The following GFOD1 variants were observed in gnomAD, a reference collection of about 807,000 sequenced individuals.
The protein encoded by GFOD1 is glucose-fructose oxidoreductase domain-containing protein 1.
Under a neutral mutation model 25.4 loss-of-function variants are expected in GFOD1, and 9 were observed. The ratio of observed to expected loss-of-function variants is 0.35; its 90% CI spans 0.21 to 0.62. The LOEUF is 0.62. Among genes scored for constraint, GFOD1 ranks in the 20% least tolerant of loss-of-function variants. The pLI is 0.72. For synonymous variants in GFOD1, 253 were observed against 245.6 expected, an observed-to-expected ratio of 1.03 and a Z score of -0.28; for missense variants, 403 against 556.9, an observed-to-expected ratio of 0.72 and a Z score of 2.78.
intron 1 of GFOD1, among the ~76,000 whole-genome samples, chr6:13,405,782 C>T (rs2127564500): frequency 6.6e-6 from 1 of 152,254 alleles, no homozygotes; most frequent in East Asian, 1.9e-4. Flanking sequence ...GCTGCTGTTT[C>T]TCCTTCTGTC....
intron 1 of GFOD1, among the ~76,000 whole-genome samples, chr6:13,429,926 T>G (rs780295157): frequency 1.1e-4 from 16 of 152,156 alleles, no homozygotes; most frequent in Non-Finnish European, 2.2e-4. Flanking sequence ...TCAAAAGTGA[T>G]CACACTACTT....
intron 1 of GFOD1, among the ~76,000 whole-genome samples, chr6:13,421,450 C>T (rs961798094): frequency 5.9e-5 from 9 of 152,078 alleles, no homozygotes; most frequent in African/African-American, 4.8e-5. Flanking sequence ...GCTGTGATCA[C>T]ACCACTGCAC....
intron 1 of GFOD1, among the ~76,000 whole-genome samples, chr6:13,388,103 G>T (rs1785512251): frequency 1.3e-5 from 2 of 152,296 alleles, no homozygotes; most frequent in South Asian, 4.1e-4. Context: ...ACTGCTCAAT[G>T]AAATAAAAGA....
chr6:13,406,422 C>G (rs988391994), intron 1 of GFOD1, among the ~76,000 whole-genome samples: 1 of 151,956 alleles, frequency 6.6e-6, no homozygotes, highest in Non-Finnish European at 1.5e-5. Flanking sequence ...TGCAAGCGCT[C>G]TACAAATACA....
At chr6:13,416,552 G>A (rs1364112444) in intron 1 of GFOD1, among the ~76,000 whole-genome samples, 1 of 152,188 alleles carries the variant, frequency 6.6e-6, no homozygotes, top group Non-Finnish European at 1.5e-5. Context: ...AAATGAAAAA[G>A]TCAGTACGGC....
At chr6:13,390,685 C>A (rs1417782746) in intron 1 of GFOD1, among the ~76,000 whole-genome samples, 1 of 146,790 alleles carries the variant, frequency 6.8e-6, no homozygotes, top group Non-Finnish European at 1.5e-5. Context: ...CATGCTAGCA[C>A]CACTATACTC....
chr6:13,483,498 C>G (rs934194497), intron 1 of GFOD1, among the ~76,000 whole-genome samples: 1 of 152,150 alleles, frequency 6.6e-6, no homozygotes, highest in Non-Finnish European at 1.5e-5. Flanking sequence ...GATGACATGA[C>G]CAGGTCTCTA....
chr6:13,409,244 AAGAG>A lies in GFOD1; in HGVS notation c.254-43586_254-43583del, dbSNP rs1316102567. Among the ~76,000 whole-genome samples the A allele has an allele frequency of 3.1e-4, 37 of 118,716 alleles. 1 individual carries two copies. The highest frequency in any genetic ancestry group is 1.4e-3 in the African/African-American group (35 of 25,054). 77.9% of individuals were successfully genotyped at this position (118,716 alleles called of 152,430 possible). ...GAGAGAGGAAGGAAGGAAGGAGAGAAAGAGAGAAAGAGAGAGAGAGAGGGAAAGA... is the reference window on the plus strand; with the variant it reads ...GAGAGAGGAAGGAAGGAAGGAGAGAAAGAAAGAGAGAGAGAGAGGGAAAGA... On this transcript the variant is annotated intron_variant, in intron 1 of 1. Transcript: ENST00000379287.
intron 1 of GFOD1, among the ~76,000 whole-genome samples, chr6:13,465,028 A>C (rs929675391): frequency 3.9e-5 from 6 of 152,096 alleles, no homozygotes; most frequent in Admixed American, 1.3e-4. Context: ...TCCTCTGCCA[A>C]ATATAATTGC....
chr6:13,471,437 C>T (rs1758503302), intron 1 of GFOD1, among the ~76,000 whole-genome samples: 1 of 152,166 alleles, frequency 6.6e-6, no homozygotes, highest in Admixed American at 6.5e-5. Context: ...CCATCTGCTA[C>T]CTAAAGTCCT....
At position 13,441,199 on chromosome 6, in the gene GFOD1, C is replaced by T. The variant is rs1757909554; in HGVS notation, c.253+45439G>A. 2.6e-5 allele frequency among the ~76,000 whole-genome samples: 4 copies of T among 152,218 alleles called. No individual in the cohort carries two copies. The South Asian group carries it at 8.3e-4, about 32-fold the overall frequency. ...TATTTCTGGATTCTGAGACCTCCCT[C>T]CAGCTCTGAAGGTGCATGAGGGTCC... On this transcript the variant is annotated intron_variant, in intron 1 of 1. Transcript: ENST00000379287.
intron 1 of GFOD1, among the ~76,000 whole-genome samples, chr6:13,392,826 C>T (rs921452269): frequency 6.6e-5 from 10 of 151,538 alleles, no homozygotes; most frequent in African/African-American, 2.2e-4. Context: ...GAGGCCAAGG[C>T]GGGAGGATCG....
intron 1 of GFOD1, among the ~76,000 whole-genome samples, chr6:13,464,082 T>G (rs544430274): frequency 2.0e-5 from 3 of 152,356 alleles, no homozygotes; most frequent in Non-Finnish European, 2.9e-5. Context: ...GGCCTGCAGA[T>G]GTTTGGGTGA....
At position 13,365,745 on chromosome 6, in the gene GFOD1, A is replaced by C; in HGVS notation, c.254-83T>G. On this transcript the variant is annotated intron_variant, in intron 1 of 1. Coordinates refer to ENST00000379287, the MANE Select transcript of GFOD1 (RefSeq NM_018988.4). The surrounding 1 kb of genome is among the most constrained non-coding windows in gnomAD (Gnocchi z 9.2). ...CCTGGGTCAGATCTTAAAATATTTCACATTAATAGAAAAAGAAGGTCAGAT... is the reference window on the plus strand; with the variant it reads ...CCTGGGTCAGATCTTAAAATATTTCCCATTAATAGAAAAAGAAGGTCAGAT... The C allele has an allele frequency of 2.9e-6, 3 of 1,027,904 alleles. No individual in the cohort carries two copies. The highest frequency in any genetic ancestry group is 4.3e-6 in the Non-Finnish European group (3 of 698,368). The allele number at this position is 1,027,904 out of a possible 1,614,324, so 63.7% of individuals were successfully genotyped here.
intron 1 of GFOD1, 74 bp downstream of exon 1, chr6:13,486,564 G>A (rs1425734274): frequency 7.8e-7 from 1 of 1,276,502 alleles, no homozygotes; most frequent in Non-Finnish European, 1.1e-6. Flanking sequence ...GAGAGGGAAA[G>A]GCAGGGGGGA....
At chr6:13,372,323 T>C (rs1562195522) in intron 1 of GFOD1, among the ~76,000 whole-genome samples, 1 of 152,082 alleles carries the variant, frequency 6.6e-6, no homozygotes. Flanking sequence ...CATGGGGAAA[T>C]GGAAAATCAG....
intron 1 of GFOD1, among the ~76,000 whole-genome samples, chr6:13,402,162 T>A (rs1785859675): frequency 6.6e-6 from 1 of 152,218 alleles, no homozygotes. Flanking sequence ...TGGAGGCCTA[T>A]CTCATGTCAC....
intron 1 of GFOD1, among the ~76,000 whole-genome samples, chr6:13,475,907 G>A (rs993362853): frequency 1.3e-5 from 2 of 152,178 alleles, no homozygotes; most frequent in East Asian, 3.9e-4. Context: ...CTGGGCAATG[G>A]AGTGAGACTA....
intron 1 of GFOD1, among the ~76,000 whole-genome samples, chr6:13,408,979 C>T (rs1405381204): frequency 6.6e-6 from 1 of 151,376 alleles, no homozygotes; most frequent in East Asian, 1.9e-4. Flanking sequence ...CAAGTACTTG[C>T]AAGGCTGAGG....
Sources: allele counts gnomAD v4.1 joint callset (sites outside exome capture counted in the v4.1 genomes callset), GRCh38; gene constraint gnomAD v4.1.1; non-coding constraint Gnocchi (gnomAD v3.1); transcripts MANE v1.5; gene names NCBI Gene and HGNC (gene_info 2026-07-23, HGNC 2026-07-21).